The following PGGT1B variants were observed in gnomAD, a reference collection of about 807,000 sequenced individuals.
The protein encoded by PGGT1B is protein geranylgeranyltransferase type I subunit beta.
Under a neutral mutation model 46.1 loss-of-function variants are expected in PGGT1B, and 30 were observed. The observed-to-expected ratio is 0.65, with a 90% CI of 0.49 to 0.88. The LOEUF is 0.88. Among genes scored for constraint, PGGT1B ranks in the 40% least tolerant of loss-of-function variants. PGGT1B has a pLI of 0.00. For missense variants in PGGT1B, 376 were observed against 455.9 expected (o/e 0.82, Z 1.60); for synonymous variants, 170 against 160.0 (o/e 1.06, Z -0.47).
intron 4 of PGGT1B, 86 bp downstream of exon 4, chr5:115,237,772 A>G: frequency 1.8e-6 from 2 of 1,104,148 alleles, no homozygotes; most frequent in South Asian, 3.9e-5. Context: ...ATGATCCTCT[A>G]AAGATCTAGT....
At position 115,253,269 on chromosome 5, in the gene PGGT1B, A is replaced by G; in HGVS notation, c.141-14T>C. ...GCAATTGTCAACCTAAAAGAAAAAA[A>G]TGTAAAATTCCATCTTAACTATCAT... On this transcript the variant is annotated splice_polypyrimidine_tract_variant and intron_variant, in intron 1 of 8. Transcript: ENST00000419445. 1 of 1,571,120 alleles carries G rather than the reference A, an allele frequency of 6.4e-7. No homozygotes were observed.
chr5:115,229,427 T>A (rs1393145261), intron 6 of PGGT1B, among the ~76,000 whole-genome samples: 1 of 152,112 alleles, frequency 6.6e-6, no homozygotes, highest in African/African-American at 2.4e-5. Context: ...AAGGAAGATA[T>A]ACGCTTTGGG....
intron 2 of PGGT1B, 158 bp downstream of exon 2, chr5:115,252,979 T>C: frequency 1.6e-6 from 1 of 616,606 alleles, no homozygotes; most frequent in Non-Finnish European, 2.8e-6. Context: ...ATTTGTTAAG[T>C]ACTGTATTTC....
intron 2 of PGGT1B, among the ~76,000 whole-genome samples, chr5:115,243,808 T>C (rs1394341532): frequency 3.3e-5 from 5 of 152,286 alleles, no homozygotes; most frequent in African/African-American, 1.2e-4. Context: ...CTCCATTTCT[T>C]TGCTGGTAGG....
chr5:115,230,527 A>G (rs1393522208), intron 6 of PGGT1B, among the ~76,000 whole-genome samples: 1 of 152,164 alleles, frequency 6.6e-6, no homozygotes, highest in African/African-American at 2.4e-5. Flanking sequence ...ACTGAATATA[A>G]GCTAAGCAGC....
chr5:115,259,615 G>A (rs1200195773), intron 1 of PGGT1B, among the ~76,000 whole-genome samples: 1 of 150,278 alleles, frequency 6.7e-6, no homozygotes, highest in East Asian at 2.0e-4. Flanking sequence ...CTTGAACCCA[G>A]GAGGCGGAGG....
intron 6 of PGGT1B, 49 bp from the exon 7 acceptor site, chr5:115,222,057 T>C: frequency 1.8e-6 from 2 of 1,114,776 alleles, no homozygotes; most frequent in African/African-American, 1.6e-5. Flanking sequence ...TAGATGCTTA[T>C]GAAAATAGTA....
At position 115,211,408 on chromosome 5, in the gene PGGT1B, G is replaced by C. The variant is rs1561466948; in HGVS notation, c.*994C>G. 1 of 151,744 alleles carries C rather than the reference G, an allele frequency of 6.6e-6. No individual in the cohort carries two copies. Among genetic ancestry groups the C allele is most frequent in the Non-Finnish European group, 1.5e-5 (1 of 67,858 alleles). The allele number at this position is 151,744 out of a possible 1,614,324, so 9.4% of individuals were successfully genotyped here. ...TGACCATGTATTGAGTTACACCACT[G>C]AATCTGTTTGAATGGTTCTGTTTTT... On this transcript the variant is annotated 3_prime_UTR_variant, in exon 9 of 9. Coordinates refer to ENST00000419445, the MANE Select transcript of PGGT1B (RefSeq NM_005023.4).
intron 1 of PGGT1B, among the ~76,000 whole-genome samples, chr5:115,260,977 A>C (rs1748532542): frequency 6.6e-6 from 1 of 152,244 alleles, no homozygotes; most frequent in Admixed American, 6.5e-5. Flanking sequence ...GATAGCTGCA[A>C]GCAAAGTTCA....
At chr5:115,231,904 A>G (rs1756995574) in intron 5 of PGGT1B, 1 of 152,058 alleles carries the variant, frequency 6.6e-6, no homozygotes, top group African/African-American at 2.4e-5. Context: ...TCTGCAAATC[A>G]CTACATAAAT....
chr5:115,213,890 A>T (rs1220059816), intron 8 of PGGT1B, among the ~76,000 whole-genome samples: 1 of 152,252 alleles, frequency 6.6e-6, no homozygotes, highest in East Asian at 1.9e-4. Context: ...AATGACAAAT[A>T]GCTGTGCTTA....
In PGGT1B at chr5:115,206,172, T is replaced by C. The variant is rs1182676621; in HGVS notation, c.*6230A>G. 1.3e-5 allele frequency: 2 copies of C among 151,888 alleles called. No individual in the cohort carries two copies. Among genetic ancestry groups the C allele is most frequent in the Non-Finnish European group, 2.9e-5 (2 of 67,856 alleles). 9.4% of individuals were successfully genotyped at this position (151,888 alleles called of 1,614,324 possible). A position where few individuals can be genotyped will look rare whatever the true frequency, so the allele number is the denominator to read the frequency against. On this transcript the variant is annotated 3_prime_UTR_variant, in exon 9 of 9. Transcript: ENST00000419445. ...GTATATATTGTATTGGGATGAGTAATACTTAAATGTTCAGATATTTAAAGA... is the reference window on the plus strand; with the variant it reads ...GTATATATTGTATTGGGATGAGTAACACTTAAATGTTCAGATATTTAAAGA...
chr5:115,238,405 G>A (rs916669497), intron 3 of PGGT1B, among the ~76,000 whole-genome samples: 1 of 139,960 alleles, frequency 7.1e-6, no homozygotes, highest in African/African-American at 2.6e-5. Flanking sequence ...CTGGGCTCAA[G>A]TGATTCTCCG....
intron 2 of PGGT1B, among the ~76,000 whole-genome samples, chr5:115,246,279 C>T (rs956751461): frequency 2.0e-5 from 3 of 151,774 alleles, no homozygotes; most frequent in Non-Finnish European, 4.4e-5. Context: ...TTGCTTGAAC[C>T]CGGGAGGTGG....
chr5:115,228,831 T>G (rs1393541674), intron 6 of PGGT1B, among the ~76,000 whole-genome samples: 5 of 152,030 alleles, frequency 3.3e-5, no homozygotes, highest in Non-Finnish European at 2.9e-5. Context: ...TCAATAAATA[T>G]AAGATGAGGA....
At chr5:115,223,562 T>C (rs1756655550) in intron 6 of PGGT1B, among the ~76,000 whole-genome samples, 1 of 152,178 alleles carries the variant, frequency 6.6e-6, no homozygotes, top group Non-Finnish European at 1.5e-5. Context: ...GAGACACTGT[T>C]GGCGAAAGGA....
At chr5:115,242,278 T>C (rs1260028282) in intron 2 of PGGT1B, among the ~76,000 whole-genome samples, 1 of 152,234 alleles carries the variant, frequency 6.6e-6, no homozygotes, top group Non-Finnish European at 1.5e-5. Flanking sequence ...CAATGGAATA[T>C]AAGTTGGGAA....
At chr5:115,246,691 C>T (rs1044675553) in intron 2 of PGGT1B, among the ~76,000 whole-genome samples, 9 of 152,136 alleles carry the variant, frequency 5.9e-5, no homozygotes, top group African/African-American at 1.9e-4. Context: ...TCTTGCATCT[C>T]CCCTCCCATG....
At chr5:115,235,815 T>C (rs574099151) in intron 5 of PGGT1B, among the ~76,000 whole-genome samples, 121 of 152,216 alleles carry the variant, frequency 7.9e-4, no homozygotes, top group African/African-American at 2.7e-3. Flanking sequence ...TTTTGAAATA[T>C]TGCCTATGAA....
Sources: allele counts gnomAD v4.1 joint callset (sites outside exome capture counted in the v4.1 genomes callset), GRCh38; gene constraint gnomAD v4.1.1; transcripts MANE v1.5; gene names NCBI Gene and HGNC (gene_info 2026-07-23, HGNC 2026-07-21).